The following LRMDA variants were observed in gnomAD, a reference collection of about 807,000 sequenced individuals.
LRMDA encodes the protein leucine-rich melanocyte differentiation-associated protein.
LRMDA carries 18 observed loss-of-function variants against 29.8 expected under a neutral mutation model. That is an observed-to-expected ratio of 0.60 (90% CI 0.42 to 0.90). LRMDA has a LOEUF of 0.90. LRMDA is among the 40% of genes least tolerant of loss of function. The pLI is 0.00. For synonymous variants in LRMDA, 125 were observed against 109.4 expected, an observed-to-expected ratio of 1.14 and a Z score of -0.89; for missense variants, 273 against 273.9, an observed-to-expected ratio of 1.00 and a Z score of 0.02.
intron 6 of LRMDA, among the ~76,000 whole-genome samples, chr10:76,455,998 A>G (rs2132303859): frequency 6.6e-6 from 1 of 152,192 alleles, no homozygotes; most frequent in East Asian, 1.9e-4. Flanking sequence ...ATGCTGGCCA[A>G]CCCTGCTAGT....
At chr10:75,852,554 C>A (rs962607462) in intron 2 of LRMDA, among the ~76,000 whole-genome samples, 6 of 151,166 alleles carry the variant, frequency 4.0e-5, no homozygotes, top group South Asian at 2.1e-4. Flanking sequence ...AAAAAAACAA[C>A]AAAAAAATAG....
intron 2 of LRMDA, among the ~76,000 whole-genome samples, chr10:75,473,753 T>C (rs1844755419): frequency 6.6e-6 from 1 of 152,218 alleles, no homozygotes; most frequent in African/African-American, 2.4e-5. Flanking sequence ...GTCTGACTTA[T>C]GGAAACTGCT....
At chr10:76,113,777 G>A (rs1396378343) in intron 5 of LRMDA, among the ~76,000 whole-genome samples, 1 of 152,156 alleles carries the variant, frequency 6.6e-6, no homozygotes, top group African/African-American at 2.4e-5. Flanking sequence ...TGCTCTGGAC[G>A]TCCCTTCCAA....
intron 2 of LRMDA, among the ~76,000 whole-genome samples, chr10:75,503,298 T>C (rs950556345): frequency 1.4e-4 from 21 of 152,172 alleles, no homozygotes; most frequent in Non-Finnish European, 2.9e-5. Context: ...ATTGGCTTCT[T>C]CTAGAACACT....
intron 6 of LRMDA, among the ~76,000 whole-genome samples, chr10:76,430,611 TC>T (rs1421076463): frequency 2.0e-5 from 3 of 152,180 alleles, no homozygotes; most frequent in African/African-American, 7.2e-5. Context: ...CTCTACTGTT[TC>T]CTCCTAGGGA....
chr10:75,835,406 C>T (rs1844416268), intron 2 of LRMDA, among the ~76,000 whole-genome samples: 1 of 152,200 alleles, frequency 6.6e-6, no homozygotes, highest in Non-Finnish European at 1.5e-5. Context: ...ATTGGGTCCA[C>T]CCAGATAATC....
intron 2 of LRMDA, among the ~76,000 whole-genome samples, chr10:75,732,912 C>T (rs1476718496): frequency 1.3e-5 from 2 of 152,094 alleles, no homozygotes; most frequent in African/African-American, 2.4e-5. Context: ...GAGGAGGGTC[C>T]AGGGAAGCAG....
At chr10:75,590,841 G>A (rs549025013) in intron 2 of LRMDA, among the ~76,000 whole-genome samples, 32 of 135,410 alleles carry the variant, frequency 2.4e-4, no homozygotes, top group Non-Finnish European at 4.6e-4. Context: ...TCTGCCTCCC[G>A]GGTTCAAGTG....
chr10:76,146,795 A>G (rs934101567), intron 5 of LRMDA, among the ~76,000 whole-genome samples: 5 of 152,084 alleles, frequency 3.3e-5, no homozygotes, highest in African/African-American at 1.2e-4. Context: ...AGTCTTTACA[A>G]TTTGGCATGT....
chr10:75,676,123 C>A (rs1841957003), intron 2 of LRMDA, among the ~76,000 whole-genome samples: 1 of 151,612 alleles, frequency 6.6e-6, no homozygotes, highest in South Asian at 2.1e-4. Context: ...GGAAAGAATC[C>A]CAGGTTACTG....
intron 3 of LRMDA, among the ~76,000 whole-genome samples, chr10:76,037,257 G>A (rs1045593025): frequency 6.6e-6 from 1 of 152,176 alleles, no homozygotes; most frequent in East Asian, 1.9e-4. Context: ...CAGACTCAGT[G>A]GTCCAATGGC....
At chr10:75,896,320 A>G (rs1029308589) in intron 2 of LRMDA, among the ~76,000 whole-genome samples, 2 of 152,256 alleles carry the variant, frequency 1.3e-5, no homozygotes, top group Non-Finnish European at 1.5e-5. Flanking sequence ...GGAAAACAGT[A>G]TTACCTAACT....
intron 2 of LRMDA, among the ~76,000 whole-genome samples, chr10:75,997,405 G>A (rs1847487522): frequency 6.6e-6 from 1 of 151,334 alleles, no homozygotes; most frequent in Admixed American, 6.6e-5. Context: ...GAGTAACTAG[G>A]TTATTTTCAG....
intron 5 of LRMDA, among the ~76,000 whole-genome samples, chr10:76,144,427 C>T (rs1850270439): frequency 6.6e-6 from 1 of 151,940 alleles, no homozygotes. Context: ...AAGTTGGATT[C>T]CTAGGTATTT....
intron 2 of LRMDA, among the ~76,000 whole-genome samples, chr10:75,640,117 A>T (rs1356548320): frequency 6.6e-6 from 1 of 152,222 alleles, no homozygotes; most frequent in Non-Finnish European, 1.5e-5. Context: ...TAGGTATGGT[A>T]TGTAGCCCAC....
intron 5 of LRMDA, chr10:76,270,262 G>C (rs1418485967): frequency 6.6e-6 from 1 of 152,210 alleles, no homozygotes; most frequent in Non-Finnish European, 1.5e-5. Flanking sequence ...GTTGGGGAGG[G>C]GAGCTATTTT....
intron 5 of LRMDA, among the ~76,000 whole-genome samples, chr10:76,315,085 T>C (rs1053749005): frequency 2.0e-5 from 3 of 152,244 alleles, no homozygotes; most frequent in African/African-American, 7.2e-5. Flanking sequence ...AGCTGTGTTA[T>C]TTCTCAATTC....
intron 2 of LRMDA, among the ~76,000 whole-genome samples, chr10:75,595,121 T>C (rs1840770381): frequency 6.6e-6 from 1 of 152,240 alleles, no homozygotes; most frequent in Non-Finnish European, 1.5e-5. Flanking sequence ...CTTTTGAGCA[T>C]GAAATACAAA....
chr10:76,429,315 G>A (rs1318285612), intron 6 of LRMDA, among the ~76,000 whole-genome samples: 1 of 152,104 alleles, frequency 6.6e-6, no homozygotes, highest in Non-Finnish European at 1.5e-5. Context: ...GCTCTGTCAG[G>A]TCTTAGCCCT....
Sources: gnomAD v4.1 joint callset for allele counts (sites outside exome capture counted in the v4.1 genomes callset) on GRCh38, gnomAD v4.1.1 for gene constraint, MANE v1.5 for transcripts, NCBI Gene and HGNC (gene_info 2026-07-23, HGNC 2026-07-21) for gene names.